The following ARHGAP15 variants were observed in gnomAD, a reference collection of about 807,000 sequenced individuals.
ARHGAP15 encodes the protein rho GTPase-activating protein 15.
In ARHGAP15, 51 loss-of-function variants were observed where a neutral mutation model predicts 63.7. The observed-to-expected ratio is 0.80, with a 90% CI of 0.64 to 1.01. The LOEUF is 1.01. Among genes scored for constraint, ARHGAP15 ranks in the 50% least tolerant of loss-of-function variants. ARHGAP15 has a pLI of 0.00. For synonymous variants in ARHGAP15, 191 were observed against 193.8 expected, an observed-to-expected ratio of 0.99 and a Z score of 0.12; for missense variants, 560 against 564.6, an observed-to-expected ratio of 0.99 and a Z score of 0.08.
chr2:143,397,316 A>G (rs866226893), intron 6 of ARHGAP15, among the ~76,000 whole-genome samples: 41 of 147,732 alleles, frequency 2.8e-4, no homozygotes, highest in African/African-American at 8.3e-4. Flanking sequence ...TGAGATATGT[A>G]TGTGTGTGTG....
intron 8 of ARHGAP15, among the ~76,000 whole-genome samples, chr2:143,475,273 T>G (rs1354851573): frequency 1.3e-5 from 2 of 152,242 alleles, no homozygotes; most frequent in Non-Finnish European, 2.9e-5. Flanking sequence ...TGTCAGCATT[T>G]GTGAGGACAA....
At chr2:143,638,007 G>A (rs1680409283) in intron 12 of ARHGAP15, among the ~76,000 whole-genome samples, 1 of 150,330 alleles carries the variant, frequency 6.7e-6, no homozygotes, top group Non-Finnish European at 1.5e-5. Context: ...AACAACAGGT[G>A]CTGGAGAGGA....
At chr2:143,315,947 G>C (rs751355258) in intron 6 of ARHGAP15, among the ~76,000 whole-genome samples, 6 of 151,980 alleles carry the variant, frequency 3.9e-5, no homozygotes, top group African/African-American at 1.4e-4. Context: ...TTAGCTGGGC[G>C]TGGTGGTGCG....
intron 6 of ARHGAP15, among the ~76,000 whole-genome samples, chr2:143,408,313 A>C: frequency 6.6e-6 from 1 of 150,538 alleles, no homozygotes; most frequent in East Asian, 1.9e-4. Flanking sequence ...AAAAATCTAT[A>C]AAATTTTTAT....
intron 13 of ARHGAP15, among the ~76,000 whole-genome samples, chr2:143,762,287 C>T (rs906908849): frequency 1.2e-4 from 18 of 152,180 alleles, no homozygotes; most frequent in Non-Finnish European, 2.4e-4. Context: ...GTCTCAACCA[C>T]GTGTTTTCCT....
intron 8 of ARHGAP15, among the ~76,000 whole-genome samples, chr2:143,468,314 G>A (rs1691335543): frequency 6.6e-6 from 1 of 151,716 alleles, no homozygotes; most frequent in South Asian, 2.1e-4. Context: ...AGATGAACAT[G>A]TATAAGTGAT....
chr2:143,338,605 T>G (rs1219005481), intron 6 of ARHGAP15, among the ~76,000 whole-genome samples: 1 of 152,158 alleles, frequency 6.6e-6, no homozygotes, highest in Non-Finnish European at 1.5e-5. Context: ...TGTTAAATAA[T>G]AAGAGTAGAG....
At chr2:143,427,865 C>T (rs1435534765) in intron 6 of ARHGAP15, among the ~76,000 whole-genome samples, 3 of 151,992 alleles carry the variant, frequency 2.0e-5, no homozygotes, top group African/African-American at 7.2e-5. Context: ...AATTTTATGA[C>T]AATAGAGAAT....
intron 6 of ARHGAP15, among the ~76,000 whole-genome samples, chr2:143,327,812 G>C (rs956282356): frequency 6.6e-6 from 1 of 152,040 alleles, no homozygotes; most frequent in Non-Finnish European, 1.5e-5. Flanking sequence ...AGAGTGAAGA[G>C]GCAAACTACA....
chr2:143,273,621 T>C (rs902238840), intron 6 of ARHGAP15, among the ~76,000 whole-genome samples: 2 of 152,210 alleles, frequency 1.3e-5, no homozygotes, highest in Admixed American at 6.5e-5. Flanking sequence ...CATGTCCTTA[T>C]GCCATATGTT....
rs1347197993 is a variant in ARHGAP15, at chr2:143,254,764, C to T, written c.474+4164C>T. Among the ~76,000 whole-genome samples the T allele has an allele frequency of 2.0e-5, 3 of 152,074 alleles. No homozygotes were observed. In the East Asian group the frequency reaches 5.8e-4, roughly 29 times the overall value. On this transcript the variant is annotated intron_variant, in intron 6 of 13. Coordinates refer to ENST00000295095, the MANE Select transcript of ARHGAP15 (RefSeq NM_018460.4). ...TAGAAACTATATCCCATACTGTCTT[C>T]TACTTATTAAGCCAGAAGACTGAAC...
intron 6 of ARHGAP15, among the ~76,000 whole-genome samples, chr2:143,349,308 G>A (rs1574315420): frequency 1.3e-5 from 2 of 152,310 alleles, no homozygotes; most frequent in Admixed American, 1.3e-4. Flanking sequence ...ATTCATCAAA[G>A]TCTATTTAAC....
chr2:143,687,537 G>A lies in ARHGAP15; in HGVS notation c.1139-15882G>A, dbSNP rs113055339. The stretch of plus-strand genomic sequence containing the variant: ...GTACTCTCTCTGCAAGTGCCCCTAC[G>A]CCCAATAACTTCACCCAGGAGAAGA... On this transcript the variant is annotated intron_variant, in intron 12 of 13. Coordinates refer to ENST00000295095, the MANE Select transcript of ARHGAP15 (RefSeq NM_018460.4). Among the ~76,000 whole-genome samples the A allele has an allele frequency of 1.2e-3, 185 of 152,146 alleles. 1 individual carries two copies. Among genetic ancestry groups the A allele is most frequent in the African/African-American group, 4.2e-3 (173 of 41,508 alleles).
chr2:143,352,443 G>T (rs1430394641), intron 6 of ARHGAP15, among the ~76,000 whole-genome samples: 1 of 151,990 alleles, frequency 6.6e-6, no homozygotes, highest in Non-Finnish European at 1.5e-5. Context: ...AATATTTGGG[G>T]TTTCATTTCA....
At chr2:143,405,040 A>G (rs10189912) in intron 6 of ARHGAP15, among the ~76,000 whole-genome samples, 40,486 of 151,784 alleles carry the variant, frequency 0.27, 6,534 homozygotes, top group Non-Finnish European at 0.37. Flanking sequence ...CTCTCTTTGC[A>G]GTGATTCCAA....
intron 10 of ARHGAP15, among the ~76,000 whole-genome samples, chr2:143,531,632 T>C (rs931480862): frequency 1.3e-5 from 2 of 152,234 alleles, no homozygotes; most frequent in Admixed American, 1.3e-4. Context: ...ACCTGCTAAC[T>C]TGAAGGTAAG....
chr2:143,275,121 G>T (rs574997472), intron 6 of ARHGAP15, among the ~76,000 whole-genome samples: 17 of 152,214 alleles, frequency 1.1e-4, no homozygotes, highest in African/African-American at 3.9e-4. Flanking sequence ...TGGCACCACT[G>T]CACTCCAGCC....
intron 6 of ARHGAP15, among the ~76,000 whole-genome samples, chr2:143,250,919 A>G (rs1451486358): frequency 1.3e-5 from 2 of 152,120 alleles, no homozygotes; most frequent in East Asian, 3.8e-4. Flanking sequence ...GATTTGATCT[A>G]GAATTTTCAG....
At chr2:143,541,820 A>C (rs1695070438) in intron 10 of ARHGAP15, among the ~76,000 whole-genome samples, 1 of 152,140 alleles carries the variant, frequency 6.6e-6, no homozygotes, top group African/African-American at 2.4e-5. Context: ...GCTACTCAGC[A>C]GTCAGGGACC....
Sources: allele counts gnomAD v4.1 joint callset (sites outside exome capture counted in the v4.1 genomes callset), GRCh38; gene constraint gnomAD v4.1.1; transcripts MANE v1.5; gene names NCBI Gene and HGNC (gene_info 2026-07-23, HGNC 2026-07-21).